CDH12: variants seen among roughly 807,000 people sequenced by gnomAD.
CDH12 encodes the protein cadherin-12.
CDH12 carries 41 observed loss-of-function variants against 74.1 expected under a neutral mutation model. That is an observed-to-expected ratio of 0.55 (90% CI 0.43 to 0.72). The LOEUF (loss-of-function observed/expected upper bound fraction) is 0.72. Among genes scored for constraint, CDH12 ranks in the 30% least tolerant of loss-of-function variants. CDH12 has a pLI of 0.00. For missense variants in CDH12, 945 were observed against 977.2 expected (o/e 0.97, Z 0.44); for synonymous variants, 399 against 355.0 (o/e 1.12, Z -1.39).
At chr5:22,361,271 T>A (rs1292215738) in intron 3 of CDH12, among the ~76,000 whole-genome samples, 2 of 152,114 alleles carry the variant, frequency 1.3e-5, no homozygotes, top group Admixed American at 1.3e-4. Context: ...TCACAAGCAT[T>A]CTTATACACT....
chr5:22,474,641 C>A (rs994762388), intron 2 of CDH12, among the ~76,000 whole-genome samples: 1 of 151,984 alleles, frequency 6.6e-6, no homozygotes, highest in South Asian at 2.1e-4. Context: ...ATACACATGA[C>A]CAGAGAGACA....
chr5:22,277,821 C>T (rs1373436490), intron 3 of CDH12, among the ~76,000 whole-genome samples: 6 of 152,032 alleles, frequency 3.9e-5, no homozygotes, highest in African/African-American at 1.2e-4. Flanking sequence ...GCAACAAGAG[C>T]GAAACTCTGT....
At chr5:22,020,243 T>C (rs1737882249) in intron 5 of CDH12, among the ~76,000 whole-genome samples, 1 of 152,086 alleles carries the variant, frequency 6.6e-6, no homozygotes, top group African/African-American at 2.4e-5. Flanking sequence ...GAGTTTCTCA[T>C]AGTTTTGGAG....
intron 4 of CDH12, among the ~76,000 whole-genome samples, chr5:22,118,591 T>C (rs2150271634): frequency 6.6e-6 from 1 of 152,088 alleles, no homozygotes; most frequent in East Asian, 1.9e-4. Flanking sequence ...GGTATATACC[T>C]TTCACACATG....
intron 4 of CDH12, among the ~76,000 whole-genome samples, chr5:22,121,208 G>A (rs978973281): frequency 3.3e-5 from 5 of 152,180 alleles, no homozygotes; most frequent in East Asian, 1.9e-4. Context: ...AAGAGGCATT[G>A]ATGGCATTTG....
intron 1 of CDH12, among the ~76,000 whole-genome samples, chr5:22,602,143 G>C (rs536802328): frequency 6.6e-6 from 1 of 152,022 alleles, no homozygotes; most frequent in African/African-American, 2.4e-5. Flanking sequence ...CTGTCAATTA[G>C]CTGTCAGAAA....
At chr5:22,234,093 A>T (rs947194760) in intron 3 of CDH12, among the ~76,000 whole-genome samples, 1 of 152,312 alleles carries the variant, frequency 6.6e-6, no homozygotes, top group South Asian at 2.1e-4. Flanking sequence ...AAAAAAATAA[A>T]TCTATAGGCT....
intron 1 of CDH12, among the ~76,000 whole-genome samples, chr5:22,631,588 T>C (rs902389287): frequency 6.6e-5 from 10 of 152,006 alleles, no homozygotes; most frequent in African/African-American, 2.4e-4. Flanking sequence ...AAACATCGAG[T>C]ATCCATGGAC....
intron 1 of CDH12, among the ~76,000 whole-genome samples, chr5:22,712,344 A>C (rs906942153): frequency 2.0e-5 from 3 of 152,100 alleles, no homozygotes; most frequent in African/African-American, 7.2e-5. Context: ...TTGTTTTATT[A>C]TTTAGAGTTC....
intron 4 of CDH12, chr5:22,152,177 A>G (rs1286902600): frequency 6.6e-6 from 1 of 151,980 alleles, no homozygotes; most frequent in East Asian, 1.9e-4. Flanking sequence ...TGGGCTCCAG[A>G]GAGAAGGGAA....
chr5:21,755,800 C>G lies in CDH12; in HGVS notation c.1676G>C (p.Arg559Pro), dbSNP rs763451842. Reference protein sequence around the residue: ...GIETRRNGYSRRQQELYFLPV... With the variant: ...GIETRRNGYSPRQQELYFLPV... The stretch of plus-strand genomic sequence containing the variant: ...GAGGAAATACAACTCTTGCTGCCTG[C>G]GGCTGTATCCATTTCTTCGGGTTTC... Residue 559 changes from arginine to proline, a missense_variant, in exon 14 of 15, where the codon CGC becomes CCC. Physicochemically the swap from Arg to Pro is moderately radical, Grantham distance 103. This residue lies in a region of CDH12 where 791 missense variants were observed against 792.8 expected (regional missense o/e 1.00). Coordinates refer to ENST00000382254, the MANE Select transcript of CDH12 (RefSeq NM_004061.5). 6.2e-7 allele frequency: 1 copy of G among 1,613,808 alleles called. No homozygotes were observed. The highest frequency in any genetic ancestry group is 1.1e-5 in the South Asian group (1 of 91,070).
At chr5:22,117,480 A>ATATATATAATATATATAT (rs1745210115) in intron 4 of CDH12, among the ~76,000 whole-genome samples, 13 of 62,038 alleles carry the variant, frequency 2.1e-4, no homozygotes, top group Non-Finnish European at 3.6e-4. Context: ...TATATATATT[A>ATATATATAATATATATAT]TATATATATT....
At chr5:22,151,948 A>G (rs1747610941) in intron 4 of CDH12, 1 of 152,116 alleles carries the variant, frequency 6.6e-6, no homozygotes, top group Admixed American at 6.6e-5. Flanking sequence ...ACTTGTTGAG[A>G]AATGGTACGA....
chr5:21,816,059 T>C (rs1748023063), intron 9 of CDH12, among the ~76,000 whole-genome samples: 1 of 152,096 alleles, frequency 6.6e-6, no homozygotes, highest in African/African-American at 2.4e-5. Flanking sequence ...TCTTTTTTGT[T>C]TTCAATTTAA....
At chr5:21,799,990 G>A (rs1414127000) in intron 10 of CDH12, among the ~76,000 whole-genome samples, 1 of 152,184 alleles carries the variant, frequency 6.6e-6, no homozygotes, top group Non-Finnish European at 1.5e-5. Context: ...TAGAGCTAGA[G>A]AAGGATTATG....
At chr5:22,748,357 G>C (rs1438982601) in intron 1 of CDH12, among the ~76,000 whole-genome samples, 1 of 151,836 alleles carries the variant, frequency 6.6e-6, no homozygotes, top group Non-Finnish European at 1.5e-5. Flanking sequence ...ATGTAGCAAA[G>C]TGCTCCCAAA....
intron 5 of CDH12, among the ~76,000 whole-genome samples, chr5:21,982,284 A>G (rs1030642500): frequency 2.6e-5 from 4 of 151,962 alleles, no homozygotes; most frequent in African/African-American, 7.3e-5. Context: ...TTTGACTTCA[A>G]TTAAAACATT....
At chr5:22,331,911 C>CAAG (rs34240404) in intron 3 of CDH12, among the ~76,000 whole-genome samples, 73,179 of 151,562 alleles carry the variant, frequency 0.48, 18,056 homozygotes, top group South Asian at 0.6. Flanking sequence ...CAGAACTGAT[C>CAAG]AAGAAGAAAT....
chr5:22,035,368 T>A (rs1259864850), intron 5 of CDH12, among the ~76,000 whole-genome samples: 2 of 151,092 alleles, frequency 1.3e-5, no homozygotes, highest in African/African-American at 4.9e-5. Flanking sequence ...GGTAGTTAAG[T>A]TAATTTCTCT....
Sources: allele counts gnomAD v4.1 joint callset (sites outside exome capture counted in the v4.1 genomes callset), GRCh38; gene constraint gnomAD v4.1.1; regional missense constraint gnomAD v4.1.1; transcripts MANE v1.5; gene names NCBI Gene and HGNC (gene_info 2026-07-23, HGNC 2026-07-21).